NREP: variants seen among roughly 807,000 people sequenced by gnomAD.
NREP encodes the protein neuronal regeneration related protein, also known as neuronal regeneration-related protein.
A neutral mutation model predicts 8.6 loss-of-function variants in NREP; 5 were observed. The ratio of observed to expected loss-of-function variants is 0.58; its 90% confidence interval spans 0.30 to 1.22. The LOEUF (loss-of-function observed/expected upper bound fraction) is 1.22. Among genes scored for constraint, NREP ranks in the 50% most tolerant of loss-of-function variants. The pLI, the probability that NREP is intolerant of heterozygous loss-of-function variation, is 0.07. For missense variants in NREP, 86 were observed against 82.5 expected (o/e 1.04, Z -0.17); for synonymous variants, 27 against 28.0 (o/e 0.96, Z 0.11).
At chr5:111,813,092 T>C (rs979806797) in intron 2 of NREP, among the ~76,000 whole-genome samples, 1 of 152,174 alleles carries the variant, frequency 6.6e-6, no homozygotes. Context: ...GTATATCATT[T>C]GGCTTTGAGC....
intron 2 of NREP, among the ~76,000 whole-genome samples, chr5:111,864,674 C>A (rs1012558273): frequency 1.3e-5 from 2 of 151,640 alleles, no homozygotes; most frequent in African/African-American, 4.8e-5. Flanking sequence ...GAAATGAGTC[C>A]AAATGGTTGC....
chr5:111,953,560 C>G (rs1756225472), intron 2 of NREP, among the ~76,000 whole-genome samples: 1 of 152,064 alleles, frequency 6.6e-6, no homozygotes, highest in Non-Finnish European at 1.5e-5. Context: ...TTACCGCAGG[C>G]CAACTCTGTA....
rs140929106 is a variant in NREP at position 111,954,401 on chromosome 5, G to C, written c.135+20873C>G. 1.1e-3 allele frequency among the ~76,000 whole-genome samples: 173 copies of C among 152,248 alleles called. 3 individuals are homozygous for C. The South Asian group carries it at 0.025, about 22-fold the overall frequency. On this transcript the variant is annotated intron_variant, in intron 2 of 3. Transcript: ENST00000395634. ...TTCACTGCACACATGTTCTTGGTTTGGCAGAGGTTGTCAATGTTATCATTG... is the reference window on the plus strand; with the variant it reads ...TTCACTGCACACATGTTCTTGGTTTCGCAGAGGTTGTCAATGTTATCATTG...
chr5:111,968,238 G>C (rs957538568), intron 2 of NREP, among the ~76,000 whole-genome samples: 1 of 151,672 alleles, frequency 6.6e-6, no homozygotes, highest in Non-Finnish European at 1.5e-5. Flanking sequence ...AGGTACTTCA[G>C]GTTTAAAACA....
intron 2 of NREP, among the ~76,000 whole-genome samples, chr5:111,945,302 T>C (rs1005537629): frequency 1.4e-4 from 21 of 152,060 alleles, no homozygotes; most frequent in African/African-American, 2.4e-5. Context: ...TTTATTATAC[T>C]TTAAGTTTTA....
At chr5:111,791,005 G>A (rs550851884) in intron 2 of NREP, among the ~76,000 whole-genome samples, 6 of 152,168 alleles carry the variant, frequency 3.9e-5, no homozygotes, top group Non-Finnish European at 7.4e-5. Context: ...CAGGGTGGGA[G>A]AGGGTCCTGC....
At chr5:111,819,372 G>C (rs1214321791) in intron 2 of NREP, among the ~76,000 whole-genome samples, 1 of 152,166 alleles carries the variant, frequency 6.6e-6, no homozygotes, top group Non-Finnish European at 1.5e-5. Flanking sequence ...TGACACAGCA[G>C]TATGGGCTAC....
intron 2 of NREP, among the ~76,000 whole-genome samples, chr5:111,903,375 G>A (rs1458938410): frequency 1.3e-5 from 2 of 151,952 alleles, no homozygotes; most frequent in Admixed American, 6.6e-5. Flanking sequence ...GTGAGCCACG[G>A]CACCCAGCTC....
chr5:111,915,672 C>T (rs1290587453), intron 2 of NREP, among the ~76,000 whole-genome samples: 1 of 152,076 alleles, frequency 6.6e-6, no homozygotes, highest in Non-Finnish European at 1.5e-5. Flanking sequence ...CCCAACATTC[C>T]CTCACACATG....
At chr5:111,747,459 G>A (rs1419305308) in intron 2 of NREP, among the ~76,000 whole-genome samples, 1 of 152,152 alleles carries the variant, frequency 6.6e-6, no homozygotes, top group African/African-American at 2.4e-5. Context: ...GCTGTTACCT[G>A]CTCCAGTAAT....
intron 2 of NREP, among the ~76,000 whole-genome samples, chr5:111,778,467 C>CCT (rs1468607016): frequency 6.6e-6 from 1 of 152,114 alleles, no homozygotes; most frequent in Non-Finnish European, 1.5e-5. Context: ...GTCCTCTAAA[C>CCT]CATGTCCTTT....
chr5:111,886,900 C>A (rs1265881689), intron 2 of NREP, among the ~76,000 whole-genome samples: 18 of 151,772 alleles, frequency 1.2e-4, no homozygotes, highest in African/African-American at 2.4e-5. Context: ...TGCAGCACAC[C>A]AGCATGGCAC....
intron 1 of NREP, chr5:111,976,694 G>T (rs1248027144): frequency 6.5e-7 from 1 of 1,547,194 alleles, no homozygotes; most frequent in Non-Finnish European, 8.7e-7. Flanking sequence ...TACACAGTAA[G>T]TTATTCTTCA....
At chr5:111,871,632 T>C (rs1163143744) in intron 2 of NREP, among the ~76,000 whole-genome samples, 2 of 152,020 alleles carry the variant, frequency 1.3e-5, no homozygotes, top group African/African-American at 4.8e-5. Context: ...TATATCCTTA[T>C]TCTATAAGTT....
chr5:111,882,846 C>A (rs1754122542), intron 2 of NREP, among the ~76,000 whole-genome samples: 1 of 152,232 alleles, frequency 6.6e-6, no homozygotes, highest in Non-Finnish European at 1.5e-5. Context: ...TGGAAAGGAA[C>A]AACCGGTACC....
intron 2 of NREP, among the ~76,000 whole-genome samples, chr5:111,801,863 G>C (rs891518026): frequency 6.6e-6 from 1 of 152,166 alleles, no homozygotes; most frequent in Non-Finnish European, 1.5e-5. Flanking sequence ...TGGGAAAGGA[G>C]GAAAAGCTCT....
intron 2 of NREP, among the ~76,000 whole-genome samples, chr5:111,888,288 T>A (rs1754309744): frequency 6.6e-6 from 1 of 151,982 alleles, no homozygotes; most frequent in African/African-American, 2.4e-5. Flanking sequence ...TGAGACTGGG[T>A]AATTTGTAAA....
upstream of NREP, chr5:111,757,703 G>T (rs1750821710): frequency 3.0e-6 from 3 of 984,440 alleles, no homozygotes; most frequent in Admixed American, 6.2e-5. Flanking sequence ...GAGACAAAGC[G>T]GACCCGCAGC....
intron 2 of NREP, among the ~76,000 whole-genome samples, chr5:111,946,978 A>G (rs1756005180): frequency 6.6e-6 from 1 of 152,100 alleles, no homozygotes; most frequent in Non-Finnish European, 1.5e-5. Context: ...CCTCACAACT[A>G]TTCCAATGTT....
Sources: gnomAD v4.1 joint callset for allele counts (sites outside exome capture counted in the v4.1 genomes callset) on GRCh38, gnomAD v4.1.1 for gene constraint, MANE v1.5 for transcripts, NCBI Gene and HGNC (gene_info 2026-07-23, HGNC 2026-07-21) for gene names.